Variants in STAU2 observed in about 807,000 individuals in gnomAD.
The protein encoded by STAU2 is double-stranded RNA-binding protein Staufen homolog 2.
Under a neutral mutation model 65.9 loss-of-function variants are expected in STAU2, and 20 were observed. That is an observed-to-expected ratio of 0.30 (90% CI 0.21 to 0.44). STAU2 has a LOEUF of 0.44. Among genes scored for constraint, STAU2 ranks in the 20% least tolerant of loss-of-function variants. The probability of loss-of-function intolerance (pLI) is 1.00; values close to 1 mark genes in which losing one functional copy is unlikely to be tolerated. For missense variants in STAU2, 558 were observed against 683.9 expected, an observed-to-expected ratio of 0.82 and a Z score of 2.05; for synonymous variants, 232 against 233.9, an observed-to-expected ratio of 0.99 and a Z score of 0.07.
At chr8:73,434,387 C>T (rs1321310115) in intron 13 of STAU2, among the ~76,000 whole-genome samples, 2 of 151,848 alleles carry the variant, frequency 1.3e-5, no homozygotes, top group Non-Finnish European at 2.9e-5. Flanking sequence ...TCCAAGATCA[C>T]ACATTTGTGT....
At chr8:73,439,400 T>C (rs1408006055) in intron 13 of STAU2, among the ~76,000 whole-genome samples, 1 of 152,190 alleles carries the variant, frequency 6.6e-6, no homozygotes, top group Non-Finnish European at 1.5e-5. Context: ...GCAGATCACT[T>C]GAGGTGAGGA....
At chr8:73,704,510 C>G (rs1359421308) in intron 4 of STAU2, among the ~76,000 whole-genome samples, 2 of 152,072 alleles carry the variant, frequency 1.3e-5, no homozygotes, top group African/African-American at 4.8e-5. Context: ...AGGTCCTTAT[C>G]AGTTACAGAT....
chr8:73,487,879 T>C (rs1394717442), intron 13 of STAU2, among the ~76,000 whole-genome samples: 2 of 152,046 alleles, frequency 1.3e-5, no homozygotes, highest in Admixed American at 1.3e-4. Flanking sequence ...AATTAGTATA[T>C]CACAACCTAT....
intron 13 of STAU2, among the ~76,000 whole-genome samples, chr8:73,512,660 T>TG (rs936726618): frequency 2.0e-5 from 3 of 152,190 alleles, no homozygotes; most frequent in African/African-American, 7.2e-5. Context: ...TGTATGTGTG[T>TG]GGGGGGTGGG....
intron 6 of STAU2, among the ~76,000 whole-genome samples, chr8:73,658,934 C>CAAAAAAAAAAAAAAAAAAAAAAAAAA (rs72251012): frequency 1.0e-5 from 1 of 96,734 alleles, no homozygotes; most frequent in African/African-American, 2.9e-5. Context: ...ACAACAACAA[C>CAAAAAAAAAAAAAAAAAAAAAAAAAA]AAAAACAACA....
rs1487711941 is a variant in STAU2, at chr8:73,686,317, G to A, written c.274+2337C>T. Among the ~76,000 whole-genome samples the A allele has an allele frequency of 4.6e-5, 7 of 152,136 alleles. No homozygotes were observed. The South Asian group carries it at 6.2e-4, about 14-fold the overall frequency. On this transcript the variant is annotated intron_variant, in intron 5 of 14. Coordinates refer to ENST00000524300, the MANE Select transcript of STAU2 (RefSeq NM_001164380.2). ...TGTAATCCCAGCACTTTGGGAGGCC[G>A]GGGTGGGCAGATCATGAGGTCAGGA...
At chr8:73,573,770 C>T (rs58343479) in intron 12 of STAU2, among the ~76,000 whole-genome samples, 15,138 of 152,202 alleles carry the variant, frequency 0.099, 1,168 homozygotes, top group East Asian at 0.44. Context: ...GGATTAAACA[C>T]TGAAATGTTA....
chr8:73,654,664 A>AAAAAAAAAAAAAAAAAAAT (rs1554556802), intron 6 of STAU2, among the ~76,000 whole-genome samples: 2 of 122,982 alleles, frequency 1.6e-5, no homozygotes, highest in Non-Finnish European at 3.4e-5. Flanking sequence ...AAAAAAAAGA[A>AAAAAAAAAAAAAAAAAAAT]CTCTTTTAAT....
chr8:73,541,432 C>A (rs1320257336), intron 13 of STAU2, among the ~76,000 whole-genome samples: 2 of 152,104 alleles, frequency 1.3e-5, no homozygotes, highest in African/African-American at 2.4e-5. Context: ...GCAGTTTTAG[C>A]TTAAGCAACT....
At chr8:73,603,946 T>G in intron 9 of STAU2, 83 bp from the exon 10 acceptor site, 2 of 1,408,964 alleles carry the variant, frequency 1.4e-6, no homozygotes, top group East Asian at 2.5e-5. Context: ...GCTTCTTCCC[T>G]CCACCCCCAC....
chr8:73,522,988 G>A (rs951470824), intron 13 of STAU2, among the ~76,000 whole-genome samples: 6 of 152,036 alleles, frequency 3.9e-5, no homozygotes, highest in Non-Finnish European at 7.4e-5. Flanking sequence ...ACGAGGTCAG[G>A]AGTTCGAGAC....
chr8:73,747,253 C>T (rs1213560994), upstream of STAU2: 4 of 1,105,280 alleles, frequency 3.6e-6, no homozygotes, highest in East Asian at 8.7e-5. Flanking sequence ...GGCGCGACTC[C>T]CCGCCCCCTC....
chr8:73,530,799 T>A (rs1474270356), intron 13 of STAU2, among the ~76,000 whole-genome samples: 6 of 152,014 alleles, frequency 3.9e-5, no homozygotes, highest in African/African-American at 1.2e-4. Flanking sequence ...TTGAACAGCA[T>A]GAGAGAATCC....
At chr8:73,690,778 T>C (rs1322637415) in intron 4 of STAU2, among the ~76,000 whole-genome samples, 1 of 152,164 alleles carries the variant, frequency 6.6e-6, no homozygotes, top group Admixed American at 6.5e-5. Flanking sequence ...AAATAGAGAA[T>C]TGGGATTTGT....
chr8:73,656,913 C>T (rs1486810514), intron 6 of STAU2, among the ~76,000 whole-genome samples: 6 of 152,096 alleles, frequency 3.9e-5, no homozygotes, highest in South Asian at 2.1e-4. Context: ...TTAATGAAAA[C>T]GGAAAGCAGT....
intron 13 of STAU2, among the ~76,000 whole-genome samples, chr8:73,467,419 C>T (rs1400844074): frequency 2.6e-5 from 4 of 152,086 alleles, no homozygotes; most frequent in African/African-American, 9.7e-5. Context: ...GTAGTCCCAG[C>T]TACGTGGGAG....
At chr8:73,736,548 T>C (rs1168945417) in intron 3 of STAU2, among the ~76,000 whole-genome samples, 4 of 151,764 alleles carry the variant, frequency 2.6e-5, no homozygotes, top group Admixed American at 1.3e-4. Flanking sequence ...AACCCAGGGG[T>C]GGGGAAGAGA....
At chr8:73,651,881 T>C (rs1319571253) in intron 6 of STAU2, among the ~76,000 whole-genome samples, 1 of 152,212 alleles carries the variant, frequency 6.6e-6, no homozygotes, top group Non-Finnish European at 1.5e-5. Context: ...TCTGTTTACA[T>C]TGTGGAGGCA....
At chr8:73,459,642 C>A (rs901716449) in intron 13 of STAU2, among the ~76,000 whole-genome samples, 10 of 152,106 alleles carry the variant, frequency 6.6e-5, no homozygotes, top group South Asian at 2.1e-4. Flanking sequence ...AGAGCTCCCA[C>A]TGAAATCAAA....
Sources: allele counts gnomAD v4.1 joint callset (sites outside exome capture counted in the v4.1 genomes callset), GRCh38; gene constraint gnomAD v4.1.1; transcripts MANE v1.5; gene names NCBI Gene and HGNC (gene_info 2026-07-23, HGNC 2026-07-21).